Variants in RNF214 observed in about 807,000 individuals in gnomAD.
RNF214 encodes the protein ring finger protein 214.
A neutral mutation model predicts 75.9 loss-of-function variants in RNF214; 25 were observed. That is an observed-to-expected ratio of 0.33 (90% CI 0.24 to 0.46). RNF214 has a LOEUF of 0.46. RNF214 is among the 20% of genes least tolerant of loss of function. The pLI, the probability that RNF214 is intolerant of heterozygous loss-of-function variation, is 1.00. For synonymous variants in RNF214, 314 were observed against 308.8 expected, an observed-to-expected ratio of 1.02 and a Z score of -0.18; for missense variants, 725 against 857.5, an observed-to-expected ratio of 0.85 and a Z score of 1.93.
chr11:117,245,720 G>A (rs1303678893), intron 5 of RNF214, among the ~76,000 whole-genome samples: 1 of 151,968 alleles, frequency 6.6e-6, no homozygotes, highest in African/African-American at 2.4e-5. Flanking sequence ...GAATTAGATC[G>A]ATACTTATTG....
intron 6 of RNF214, among the ~76,000 whole-genome samples, chr11:117,274,646 G>A (rs550419641): frequency 2.8e-4 from 42 of 150,272 alleles, no homozygotes; most frequent in Admixed American, 8.0e-4. Context: ...TGGGATTACA[G>A]GCGTGAGCGA....
At position 117,282,118 on chromosome 11, in the gene RNF214, C is replaced by G; in HGVS notation, c.1560C>G (p.Pro520=). The change falls in exon 11 of 15, where the codon CCC becomes CCG. Residue 520 remains proline (P), a synonymous_variant. Coordinates refer to ENST00000300650, the MANE Select transcript of RNF214 (RefSeq NM_207343.4). The part of the protein sequence containing the change: ...NSPGLGSLVS[P]HGPHMPPAAS... ...CTGGCTTGGGTTCCCTTGTCAGCCCCCACGGTCCACACATGCCCCCTGCCG... is the reference window on the plus strand; with the variant it reads ...CTGGCTTGGGTTCCCTTGTCAGCCCGCACGGTCCACACATGCCCCCTGCCG... 1 of 1,614,070 alleles carries G rather than the reference C, an allele frequency of 6.2e-7. No individual in the cohort carries two copies. Among genetic ancestry groups the G allele is most frequent in the Non-Finnish European group, 8.5e-7 (1 of 1,179,990 alleles).
At position 117,285,195 on chromosome 11, in the gene RNF214, AG is replaced by A; in HGVS notation, c.*46del. On this transcript the variant is annotated 3_prime_UTR_variant, in exon 15 of 15. Transcript: ENST00000300650. Reference sequence around the variant, plus strand: ...AAGAAGAAGAGAAACTGATGTGAACAGGAAGCGCGGGTTCAAGATTTCTAAA... The same window carrying A: ...AAGAAGAAGAGAAACTGATGTGAACAGAAGCGCGGGTTCAAGATTTCTAAA... 7.5e-7 allele frequency: 1 copy of A among 1,338,938 alleles called. No homozygotes were observed. Among genetic ancestry groups the A allele is most frequent in the Non-Finnish European group, 1.1e-6 (1 of 929,978 alleles). The allele number at this position is 1,338,938 out of a possible 1,614,324, so 82.9% of individuals were successfully genotyped here. A position where few individuals can be genotyped will look rare whatever the true frequency, so the allele number is the denominator to read the frequency against.
chr11:117,250,129 T>G (rs1329507011), intron 6 of RNF214, among the ~76,000 whole-genome samples: 3 of 152,142 alleles, frequency 2.0e-5, no homozygotes, highest in African/African-American at 7.2e-5. Flanking sequence ...AGTGGTGGTA[T>G]GAAAGCATCT....
At chr11:117,243,221 A>T (rs1444294257) in intron 4 of RNF214, among the ~76,000 whole-genome samples, 1 of 152,184 alleles carries the variant, frequency 6.6e-6, no homozygotes, top group Non-Finnish European at 1.5e-5. Flanking sequence ...GTCTCTGCTC[A>T]CTGCAACCTC....
rs1376788834 is a variant in RNF214 at position 117,282,499 on chromosome 11, G to A, written c.1808G>A (p.Arg603Gln). ...GAACTTATCCAGTTGGTTGCTGCAC[G>A]ACTGGCAGAACATGAGCGGGTGGCA... ...MEELIQLVAA[R>Q]LAEHERVAAS... The change falls in exon 12 of 15, where the codon CGA (arginine) becomes CAA (glutamine). Residue 603 changes from arginine (R) to glutamine (Q), a missense_variant. Around this residue, in one of 2 missense-constraint regions of RNF214, gnomAD observed 363 missense variants for 513.0 expected, o/e 0.71. Coordinates refer to ENST00000300650, the MANE Select transcript of RNF214 (RefSeq NM_207343.4). 2.5e-6 allele frequency: 4 copies of A among 1,614,026 alleles called. No individual in the cohort carries two copies. The highest frequency in any genetic ancestry group is 2.2e-5 in the East Asian group (1 of 44,896).
intron 6 of RNF214, among the ~76,000 whole-genome samples, chr11:117,268,079 CA>C: frequency 6.6e-6 from 1 of 152,318 alleles, no homozygotes; most frequent in Non-Finnish European, 1.5e-5. Context: ...TTAAGATAAA[CA>C]ATTGTTAGTC....
In RNF214 at chr11:117,280,014, G is replaced by A; in HGVS notation, c.1056+10G>A. On this transcript the variant is annotated intron_variant, in intron 7 of 14. Transcript: ENST00000300650. Reference sequence around the variant, plus strand: ...GGCCTGGAAGGCAGAGGTGAGAAGAGGAGCTGATATCTTGAAAGTCTTAGT... The same window carrying A: ...GGCCTGGAAGGCAGAGGTGAGAAGAAGAGCTGATATCTTGAAAGTCTTAGT... 1 of 1,598,724 alleles carries A rather than the reference G, an allele frequency of 6.3e-7. No homozygotes were observed. Among genetic ancestry groups the A allele is most frequent in the Non-Finnish European group, 8.6e-7 (1 of 1,169,344 alleles).
intron 6 of RNF214, among the ~76,000 whole-genome samples, chr11:117,270,450 G>A (rs1397041545): frequency 6.6e-6 from 1 of 151,432 alleles, no homozygotes; most frequent in Non-Finnish European, 1.5e-5. Flanking sequence ...TAATTTTTTT[G>A]AGATGGAGTC....
In RNF214 at chr11:117,278,596, G is replaced by GTCTGCT. The variant is rs1317043399; in HGVS notation, c.960-1312_960-1311insTCTGCT. Among the ~76,000 whole-genome samples, 7 of 152,098 alleles carry GTCTGCT rather than the reference G, an allele frequency of 4.6e-5. No individual in the cohort carries two copies. In the South Asian group the frequency reaches 8.3e-4, roughly 18 times the overall value. ...AAATCCCTCAGTACTGGGCAAACCAGGAGAGTTGGTCACTGTCATGCTGAG... is the reference window on the plus strand; with the variant it reads ...AAATCCCTCAGTACTGGGCAAACCAGTCTGCTGAGAGTTGGTCACTGTCATGCTGAG... On this transcript the variant is annotated intron_variant, in intron 6 of 14. Coordinates refer to ENST00000300650, the MANE Select transcript of RNF214 (RefSeq NM_207343.4).
At position 117,264,675 on chromosome 11, in the gene RNF214, G is replaced by A. The variant is rs1168430704; in HGVS notation, c.960-15233G>A. Among the ~76,000 whole-genome samples the A allele has an allele frequency of 9.9e-5, 15 of 152,144 alleles. No individual in the cohort carries two copies. In the East Asian group the frequency reaches 1.4e-3, roughly 14 times the overall value. On this transcript the variant is annotated intron_variant, in intron 6 of 14. Transcript: ENST00000300650. The stretch of plus-strand genomic sequence containing the variant: ...GTTTACTTTATGTGATATTGCTATA[G>A]ACACTGCATTTGTCTTATACTTACT...
rs2034258618 is a variant in RNF214 at position 117,286,300 on chromosome 11, A to G, written c.*1149A>G. On this transcript the variant is annotated 3_prime_UTR_variant, in exon 15 of 15. Coordinates refer to ENST00000300650, the MANE Select transcript of RNF214 (RefSeq NM_207343.4). Reference sequence around the variant, plus strand: ...GCTATCAGGAACTAGATCATTTTCCACCTCTGCTTATTGTACTTCTTAATT... The same window carrying G: ...GCTATCAGGAACTAGATCATTTTCCGCCTCTGCTTATTGTACTTCTTAATT... The G allele has an allele frequency of 6.6e-6, 1 of 152,118 alleles. No homozygotes were observed. The highest frequency in any genetic ancestry group is 6.5e-5 in the Admixed American group (1 of 15,268). The allele number at this position is 152,118 out of a possible 1,614,324, so 9.4% of individuals were successfully genotyped here. A position where few individuals can be genotyped will look rare whatever the true frequency, so the allele number is the denominator to read the frequency against.
At chr11:117,236,334 C>G (rs1307978100) in intron 2 of RNF214, among the ~76,000 whole-genome samples, 1 of 146,742 alleles carries the variant, frequency 6.8e-6, no homozygotes, top group Admixed American at 6.8e-5. Flanking sequence ...AGTGCAGTGG[C>G]GCGATTTCCG....
At chr11:117,247,818 A>G (rs1250052657) in intron 6 of RNF214, among the ~76,000 whole-genome samples, 2 of 150,270 alleles carry the variant, frequency 1.3e-5, no homozygotes, top group East Asian at 4.0e-4. Context: ...AGATCGTGCC[A>G]CTGGACTTCA....
chr11:117,257,065 TG>T (rs1316711062), intron 6 of RNF214, among the ~76,000 whole-genome samples: 1 of 152,222 alleles, frequency 6.6e-6, no homozygotes, highest in Non-Finnish European at 1.5e-5. Context: ...CCTGCCGCAG[TG>T]GCTCACATGC....
chr11:117,279,019 C>CCCTCAA (rs1299569596), intron 6 of RNF214, among the ~76,000 whole-genome samples: 23 of 152,110 alleles, frequency 1.5e-4, no homozygotes, highest in African/African-American at 4.8e-4. Context: ...ATTGCTTGAG[C>CCCTCAA]CCAGGGGGTT....
rs1193220680 is a variant in RNF214 at position 117,246,839 on chromosome 11, A to G, written c.850A>G (p.Ile284Val). The change falls in exon 6 of 15, where the codon ATA (isoleucine) becomes GTA (valine). Residue 284 changes from isoleucine to valine, a missense_variant. Coordinates refer to ENST00000300650, the MANE Select transcript of RNF214 (RefSeq NM_207343.4). ...ATTAAAGGCTATTCAGGATGTGACA[A>G]TAAAGCGGGAAGAAACAAAGAAGAA... Reference protein sequence around the residue: ...EILKAIQDVTIKREETKKKIE... With the variant: ...EILKAIQDVTVKREETKKKIE... 1.2e-6 allele frequency: 2 copies of G among 1,611,250 alleles called. No individual in the cohort carries two copies. The highest frequency in any genetic ancestry group is 1.7e-6 in the Non-Finnish European group (2 of 1,178,386).
chr11:117,242,056 T>C (rs1272611747), intron 4 of RNF214, among the ~76,000 whole-genome samples: 1 of 152,186 alleles, frequency 6.6e-6, no homozygotes, highest in Non-Finnish European at 1.5e-5. Context: ...CTTGTGTCTT[T>C]TTAATTTTAT....
At chr11:117,241,353 G>A (rs757989728) in intron 4 of RNF214, among the ~76,000 whole-genome samples, 5 of 151,874 alleles carry the variant, frequency 3.3e-5, no homozygotes, top group African/African-American at 9.7e-5. Context: ...AGGCCGAGGC[G>A]GGTAGATCAC....
Sources: gnomAD v4.1 joint callset for allele counts (sites outside exome capture counted in the v4.1 genomes callset) on GRCh38, gnomAD v4.1.1 for gene constraint, gnomAD v4.1.1 regional missense constraint, MANE v1.5 for transcripts, NCBI Gene and HGNC (gene_info 2026-07-23, HGNC 2026-07-21) for gene names.